The following CYP7B1 variants were observed in gnomAD, a reference collection of about 807,000 sequenced individuals.
The protein encoded by CYP7B1 is cytochrome P450 family 7 subfamily B member 1.
In CYP7B1, 29 loss-of-function variants were observed where a neutral mutation model predicts 42.7. The observed-to-expected ratio is 0.68, with a 90% CI of 0.51 to 0.93. The LOEUF is 0.93. Ranked by LOEUF, CYP7B1 falls within the 40% of genes least tolerant of loss-of-function variation. CYP7B1 has a pLI of 0.00. For synonymous variants in CYP7B1, 235 were observed against 218.2 expected (o/e 1.08, Z -0.68); for missense variants, 655 against 600.5 (o/e 1.09, Z -0.95).
chr8:64,750,732 T>A (rs187807723), intron 1 of CYP7B1, among the ~76,000 whole-genome samples: 3 of 152,308 alleles, frequency 2.0e-5, no homozygotes, highest in East Asian at 1.9e-4. Flanking sequence ...TGAGTTGAAC[T>A]TGCTTCTCCC....
intron 1 of CYP7B1, among the ~76,000 whole-genome samples, chr8:64,744,120 A>C (rs907619055): frequency 6.6e-6 from 1 of 152,206 alleles, no homozygotes. Context: ...TGGCTTTTTT[A>C]GAAATTATGA....
At chr8:64,646,869 A>C (rs1230907907) in intron 1 of CYP7B1, among the ~76,000 whole-genome samples, 1 of 152,136 alleles carries the variant, frequency 6.6e-6, no homozygotes, top group East Asian at 1.9e-4. Flanking sequence ...TCACTTTCTC[A>C]CACGTGTGTT....
chr8:64,704,077 T>C (rs986804817), intron 1 of CYP7B1: 3 of 152,186 alleles, frequency 2.0e-5, no homozygotes, highest in Admixed American at 6.6e-5. Flanking sequence ...CATGATAAGT[T>C]GTTAGAAGTA....
rs770923196 is a variant in CYP7B1, at chr8:64,616,202, T to C, written c.339A>G (p.Val113=). 8 of 1,611,140 alleles carry C rather than the reference T, an allele frequency of 5.0e-6. No individual in the cohort carries two copies. In the East Asian group the frequency reaches 1.8e-4, roughly 36 times the overall value. ...CTTTCTCTAATAATTTATTAGAAAA[T>C]ACTCGAAAGCTTAATTGTTTATGAT... ...IKNHKQLSFR[V]FSNKLLEKAF... Residue 113 remains valine (V), a synonymous_variant, in exon 3 of 6, where the codon GTA becomes GTG. Transcript: ENST00000310193.
intron 2 of CYP7B1, among the ~76,000 whole-genome samples, chr8:64,618,582 CTCTCTCTT>C (rs958367033): frequency 1.3e-5 from 2 of 151,426 alleles, no homozygotes; most frequent in African/African-American, 2.4e-5. Flanking sequence ...CTCTCTCTCT[CTCTCTCTT>C]TCTCTCTCTC....
chr8:64,713,264 C>T (rs1259806043), intron 1 of CYP7B1, among the ~76,000 whole-genome samples: 2 of 151,602 alleles, frequency 1.3e-5, no homozygotes, highest in Admixed American at 6.6e-5. Flanking sequence ...GAACAAAGCA[C>T]AACAAAAAGA....
At chr8:64,652,315 C>CA in intron 1 of CYP7B1, among the ~76,000 whole-genome samples, 1 of 152,144 alleles carries the variant, frequency 6.6e-6, no homozygotes, top group African/African-American at 2.4e-5. Context: ...AACTTTGGAC[C>CA]AAATGGATCT....
At chr8:64,701,613 C>T (rs772281627) in intron 1 of CYP7B1, among the ~76,000 whole-genome samples, 1 of 151,936 alleles carries the variant, frequency 6.6e-6, no homozygotes, top group Non-Finnish European at 1.5e-5. Flanking sequence ...ATAAAATTTG[C>T]ATTTAATTGT....
chr8:64,738,535 AACACACACACACGCAC>A (rs1395319580), intron 1 of CYP7B1, among the ~76,000 whole-genome samples: 2 of 151,688 alleles, frequency 1.3e-5, no homozygotes, highest in African/African-American at 2.4e-5. Flanking sequence ...AATACAAGAA[AACACACACACACGCAC>A]ACACACACAC....
intron 1 of CYP7B1, among the ~76,000 whole-genome samples, chr8:64,711,038 C>T (rs1405249531): frequency 6.6e-6 from 1 of 152,108 alleles, no homozygotes; most frequent in Non-Finnish European, 1.5e-5. Context: ...TAGAAACAAG[C>T]ACATTGCAGT....
chr8:64,642,917 C>T (rs1489221441), intron 1 of CYP7B1, among the ~76,000 whole-genome samples: 2 of 151,732 alleles, frequency 1.3e-5, no homozygotes, highest in Non-Finnish European at 2.9e-5. Flanking sequence ...ATCATTTGGA[C>T]ATATGTCTGT....
chr8:64,639,193 G>T (rs1448388291), intron 1 of CYP7B1, among the ~76,000 whole-genome samples: 1 of 151,882 alleles, frequency 6.6e-6, no homozygotes, highest in African/African-American at 2.4e-5. Flanking sequence ...ATAGCTTACA[G>T]ATAAGTCCTC....
rs1306572148 is a variant in CYP7B1, at chr8:64,592,569, G to C, written c.*4073C>G. 6.6e-6 allele frequency among the ~76,000 whole-genome samples: 1 copy of C among 152,112 alleles called. No homozygotes were observed. The highest frequency in any genetic ancestry group is 1.9e-4 in the East Asian group (1 of 5,194). ...CAGAGAAAATGCTCAATGAATGTTT[G>C]GTTGAATAAATGAACAATGAATTAA... On this transcript the variant is annotated 3_prime_UTR_variant, in exon 6 of 6. Coordinates refer to ENST00000310193, the MANE Select transcript of CYP7B1 (RefSeq NM_004820.5).
At chr8:64,761,244 T>C (rs1450287881) in intron 1 of CYP7B1, among the ~76,000 whole-genome samples, 1 of 152,170 alleles carries the variant, frequency 6.6e-6, no homozygotes, top group Admixed American at 6.5e-5. Context: ...GTAAGGTGAC[T>C]AAGTTTTAGA....
In CYP7B1 at chr8:64,606,841, T is replaced by C. The variant is rs1366307535; in HGVS notation, c.1058-1984A>G. ...ATTATCAACAATGGAGAGTAGAGCT[T>C]ACGTGGCTCTGCAGAATAACATCCA... On this transcript the variant is annotated intron_variant, in intron 4 of 5. Coordinates refer to ENST00000310193, the MANE Select transcript of CYP7B1 (RefSeq NM_004820.5). Among the ~76,000 whole-genome samples the C allele has an allele frequency of 2.0e-5, 3 of 152,326 alleles. No individual in the cohort carries two copies. The East Asian group carries it at 5.8e-4, about 29-fold the overall frequency.
Position 64,593,232 on chromosome 8 carries a change from G to GGGGTGT in CYP7B1, c.*3409_*3410insACACCC, listed in dbSNP as rs1285868725. Among the ~76,000 whole-genome samples the GGGGTGT allele has an allele frequency of 5.6e-3, 695 of 123,426 alleles. 4 individuals carry two copies. The highest frequency in any genetic ancestry group is 9.3e-3 in the South Asian group (33 of 3,566). The allele number at this position is 123,426 out of a possible 152,430, so 81.0% of individuals were successfully genotyped here. A position where few individuals can be genotyped will look rare whatever the true frequency, so the allele number is the denominator to read the frequency against. On this transcript the variant is annotated 3_prime_UTR_variant, in exon 6 of 6. Coordinates refer to ENST00000310193, the MANE Select transcript of CYP7B1 (RefSeq NM_004820.5). ...TGGTGGACTAAAGGCTAGGGCCCAG[G>GGGGTGT]GTGTGTGTGTGTGTGTGTGTGTGTG...
intron 1 of CYP7B1, chr8:64,704,031 T>C (rs1410266277): frequency 6.6e-6 from 1 of 152,070 alleles, no homozygotes; most frequent in Non-Finnish European, 1.5e-5. Flanking sequence ...TCTTTCTATA[T>C]GCCTAGTCAG....
intron 1 of CYP7B1, among the ~76,000 whole-genome samples, chr8:64,654,993 C>T (rs1323168365): frequency 6.6e-6 from 1 of 152,114 alleles, no homozygotes; most frequent in African/African-American, 2.4e-5. Context: ...AGCTGGACCC[C>T]TTTTTTACAC....
intron 1 of CYP7B1, among the ~76,000 whole-genome samples, chr8:64,744,417 A>G (rs1429652160): frequency 6.6e-6 from 1 of 152,066 alleles, no homozygotes; most frequent in African/African-American, 2.4e-5. Flanking sequence ...TTGCCACGGT[A>G]GAATGCTCCA....
Sources: gnomAD v4.1 joint callset for allele counts (sites outside exome capture counted in the v4.1 genomes callset) on GRCh38, gnomAD v4.1.1 for gene constraint, MANE v1.5 for transcripts, NCBI Gene and HGNC (gene_info 2026-07-23, HGNC 2026-07-21) for gene names.